The following SEMA4B variants were observed in gnomAD, a reference collection of about 807,000 sequenced individuals.
SEMA4B encodes semaphorin 4B, also known as semaphorin-4B.
In SEMA4B, 55 loss-of-function variants were observed where a neutral mutation model predicts 88.1. The observed-to-expected ratio is 0.62, with a 90% confidence interval of 0.50 to 0.78. The LOEUF is 0.78. Ranked by LOEUF, SEMA4B falls within the 30% of genes least tolerant of loss-of-function variation. The pLI, the probability that SEMA4B is intolerant of heterozygous loss-of-function variation, is 0.00. For missense variants in SEMA4B, 1,062 were observed against 1,111.9 expected (o/e 0.96, Z 0.64); for synonymous variants, 525 against 473.6 (o/e 1.11, Z -1.41).
At chr15:90,216,216 G>A (rs1235859241) in intron 1 of SEMA4B, among the ~76,000 whole-genome samples, 1 of 152,062 alleles carries the variant, frequency 6.6e-6, no homozygotes, top group Non-Finnish European at 1.5e-5. Flanking sequence ...TCGAACTCAG[G>A]TGATCCACAC....
At chr15:90,206,611 TA>T (rs1447600209) in intron 1 of SEMA4B, 1 of 605,810 alleles carries the variant, frequency 1.7e-6, no homozygotes, top group African/African-American at 1.9e-5. Context: ...TAATGGACAT[TA>T]ATGCTGCTTT....
intron 1 of SEMA4B, among the ~76,000 whole-genome samples, chr15:90,215,538 G>A (rs1445181426): frequency 1.3e-5 from 2 of 152,212 alleles, no homozygotes; most frequent in South Asian, 2.1e-4. Flanking sequence ...AGGTCTGGGC[G>A]CAGTGGCCCA....
At chr15:90,200,554 C>T (rs1960666994), upstream of SEMA4B, among the ~76,000 whole-genome samples, 1 of 152,220 alleles carries the variant, frequency 6.6e-6, no homozygotes, top group Non-Finnish European at 1.5e-5. Flanking sequence ...AACCCCTGGT[C>T]TCAGCAGAGC....
At chr15:90,194,354 G>A (rs1381776069) in intron 1 of SEMA4B, among the ~76,000 whole-genome samples, 1 of 151,798 alleles carries the variant, frequency 6.6e-6, no homozygotes, top group Admixed American at 6.6e-5. Flanking sequence ...CCAACATGGT[G>A]AAACCTCGTC....
rs1302141302 is a variant in SEMA4B at position 90,227,614 on chromosome 15, GGTT to G, written c.1749_1751del (p.Val584del). The G allele has an allele frequency of 1.2e-6, 2 of 1,613,876 alleles. No individual in the cohort carries two copies. The highest frequency in any genetic ancestry group is 2.7e-5 in the African/African-American group (2 of 74,918). On this transcript the variant is annotated inframe_deletion, in exon 13 of 14. Coordinates refer to ENST00000411539, the MANE Select transcript of SEMA4B (RefSeq NM_198925.4). ...CCAAGGACCTTTGCAGCGCGTCTTC[GGTT>G]GTGTCCCCGTCTTTTGTACCAACAG...
Position 90,217,539 on chromosome 15 carries a change from T to G in SEMA4B, c.258T>G (p.Ala86=), listed in dbSNP as rs1240090694. 1.2e-6 allele frequency: 2 copies of G among 1,613,816 alleles called. No homozygotes were observed. Among genetic ancestry groups the G allele is most frequent in the East Asian group, 4.5e-5 (2 of 44,884 alleles). ...SRDGRTLYVG[A]REALFALSSN... ...ATGGCAGGACCCTGTACGTGGGTGC[T>G]CGAGAGGCCCTCTTTGCACTCAGTA... Residue 86 remains alanine, a synonymous_variant, in exon 2 of 14, where the codon GCT becomes GCG. Transcript: ENST00000411539.
In SEMA4B at chr15:90,192,848, CA is replaced by C. The variant is rs755630482; in HGVS notation, c.-122+7770del. ...TTGTGATCCTCCCGCCTTGGCCTCC[CA>C]AAGTGCTGGGGTTACAGGCATGAGC... On this transcript the variant is annotated intron_variant, in intron 1 of 14. Transcript: ENST00000332496. 2.6e-5 allele frequency among the ~76,000 whole-genome samples: 4 copies of C among 152,186 alleles called. 1 individual carries two copies. The highest frequency in any genetic ancestry group is 5.9e-5 in the Non-Finnish European group (4 of 68,034).
chr15:90,185,054 A>G, exon 1 of SEMA4B: 1 of 985,212 alleles, frequency 1.0e-6, no homozygotes, highest in Non-Finnish European at 1.2e-6. Flanking sequence ...GGGGGCGATG[A>G]CCGTGCGCTG....
At chr15:90,217,392 C>T (rs1170459844) in intron 1 of SEMA4B, 47 bp from the exon 2 acceptor site, 3 of 1,575,064 alleles carry the variant, frequency 1.9e-6, no homozygotes. Flanking sequence ...TAAGAGGCTT[C>T]CCATGGGAGG....
intron 3 of SEMA4B, 169 bp downstream of exon 3, chr15:90,217,998 TCG>T (rs1335335036): frequency 1.7e-6 from 1 of 593,824 alleles, no homozygotes; most frequent in African/African-American, 1.9e-5. Flanking sequence ...TACACTTACA[TCG>T]CTACGACCTT....
chr15:90,201,300 C>A (rs901393206), upstream of SEMA4B: 6 of 1,137,078 alleles, frequency 5.3e-6, no homozygotes, highest in East Asian at 4.4e-5. Flanking sequence ...GGCTCACGGC[C>A]GACTTCCTCC....
rs140922251 is a variant in SEMA4B at position 90,195,082 on chromosome 15, G to T, written c.-121-6376G>T. Among the ~76,000 whole-genome samples the T allele has an allele frequency of 1.6e-3, 234 of 150,726 alleles. 1 individual carries two copies. Among genetic ancestry groups the T allele is most frequent in the African/African-American group, 3.9e-3 (159 of 40,980 alleles). On this transcript the variant is annotated intron_variant, in intron 1 of 14. Transcript: ENST00000332496. ...TTCCAACATTCAATCTTCAATCAAG[G>T]TTCACACGTTGCTATTGATTTTGTT...
Position 90,225,273 on chromosome 15 carries a change from A to T in SEMA4B, c.1406-9A>T. The T allele has an allele frequency of 6.4e-7, 1 of 1,555,558 alleles. No individual in the cohort carries two copies. Among genetic ancestry groups the T allele is most frequent in the South Asian group, 1.2e-5 (1 of 84,540 alleles). Reference sequence around the variant, plus strand: ...TCCACCCAGGGCCTGAGTCCTGTCCACACCCCAGGTGACGGCCGGCTCCAC... The same window carrying T: ...TCCACCCAGGGCCTGAGTCCTGTCCTCACCCCAGGTGACGGCCGGCTCCAC... On this transcript the variant is annotated splice_polypyrimidine_tract_variant and intron_variant, in intron 10 of 13. Coordinates refer to ENST00000411539, the MANE Select transcript of SEMA4B (RefSeq NM_198925.4).
intron 1 of SEMA4B, among the ~76,000 whole-genome samples, chr15:90,188,520 C>T (rs1218389170): frequency 5.3e-5 from 8 of 151,634 alleles, no homozygotes; most frequent in South Asian, 2.1e-4. Flanking sequence ...CCCAGCTACC[C>T]GGGAGGCTGA....
chr15:90,197,011 A>G, upstream of SEMA4B, among the ~76,000 whole-genome samples: 1 of 152,178 alleles, frequency 6.6e-6, no homozygotes, highest in East Asian at 1.9e-4. Context: ...TTCTGGCCCA[A>G]CAAAATGTCT....
chr15:90,210,346 G>A (rs1278597657), intron 1 of SEMA4B, among the ~76,000 whole-genome samples: 1 of 152,128 alleles, frequency 6.6e-6, no homozygotes, highest in Non-Finnish European at 1.5e-5. Context: ...TTTGGGGATC[G>A]CCAGCATCCG....
chr15:90,210,459 G>T (rs1961210680), intron 1 of SEMA4B, among the ~76,000 whole-genome samples: 1 of 152,180 alleles, frequency 6.6e-6, no homozygotes, highest in Non-Finnish European at 1.5e-5. Context: ...GAACATTCAG[G>T]AGCAAAGCCT....
At chr15:90,207,048 C>A in intron 1 of SEMA4B, 1 of 352,288 alleles carries the variant, frequency 2.8e-6, no homozygotes, top group South Asian at 2.6e-5. Context: ...TCACCATCGA[C>A]CCTCTTCTGG....
At position 90,219,774 on chromosome 15, in the gene SEMA4B, C is replaced by G; in HGVS notation, c.385-19C>G. 1.2e-6 allele frequency: 2 copies of G among 1,603,478 alleles called. No homozygotes were observed. Among genetic ancestry groups the G allele is most frequent in the Non-Finnish European group, 1.7e-6 (2 of 1,172,358 alleles). On this transcript the variant is annotated intron_variant, in intron 3 of 13. Transcript: ENST00000411539. ...ATGCTTGGGCGTGGGACTGATATCCCCTCGCTCCTTCCCCCCAGCGCGACT... is the reference window on the plus strand; with the variant it reads ...ATGCTTGGGCGTGGGACTGATATCCGCTCGCTCCTTCCCCCCAGCGCGACT...
Sources: gnomAD v4.1 joint callset for allele counts (sites outside exome capture counted in the v4.1 genomes callset) on GRCh38, gnomAD v4.1.1 for gene constraint, MANE v1.5 for transcripts, NCBI Gene and HGNC (gene_info 2026-07-23, HGNC 2026-07-21) for gene names.